EXOC4: variants seen among roughly 807,000 people sequenced by gnomAD.
The protein encoded by EXOC4 is exocyst complex component 4, also known as SEC8-like 1.
EXOC4 carries 71 observed loss-of-function variants against 107.2 expected under a neutral mutation model. That is an observed-to-expected ratio of 0.66 (90% confidence interval 0.55 to 0.81). The LOEUF is 0.81. Ranked by LOEUF, EXOC4 falls within the 30% of genes least tolerant of loss-of-function variation. EXOC4 has a pLI of 0.00. For missense variants in EXOC4, 1,108 were observed against 1,189.6 expected, an observed-to-expected ratio of 0.93 and a Z score of 1.01; for synonymous variants, 456 against 441.2, an observed-to-expected ratio of 1.03 and a Z score of -0.42.
intron 10 of EXOC4, among the ~76,000 whole-genome samples, chr7:133,720,431 G>A (rs541472889): frequency 1.6e-4 from 25 of 152,168 alleles, no homozygotes; most frequent in Admixed American, 4.6e-4. Context: ...CATAACCACC[G>A]GTAAGGAAAT....
chr7:133,313,069 CCTAA>C (rs915502935), intron 4 of EXOC4, among the ~76,000 whole-genome samples: 16 of 151,320 alleles, frequency 1.1e-4, no homozygotes, highest in African/African-American at 1.7e-4. Context: ...GTATTCATTC[CCTAA>C]CTATTTTGTC....
At chr7:133,562,111 G>C (rs901775115) in intron 9 of EXOC4, among the ~76,000 whole-genome samples, 1 of 152,212 alleles carries the variant, frequency 6.6e-6, no homozygotes, top group Non-Finnish European at 1.5e-5. Flanking sequence ...ACATCATTTT[G>C]CTTAAAGTTG....
chr7:133,676,959 G>GTGTGTGTGTGTGTGTGTA (rs1554382530), intron 10 of EXOC4, among the ~76,000 whole-genome samples: 391 of 138,728 alleles, frequency 2.8e-3, no homozygotes, highest in Middle Eastern at 0.011. Flanking sequence ...GTGTGTGTAT[G>GTGTGTGTGTGTGTGTGTA]TGTGTGTGTG....
chr7:133,852,369 T>G (rs1395407743), intron 11 of EXOC4, among the ~76,000 whole-genome samples: 2 of 152,040 alleles, frequency 1.3e-5, no homozygotes, highest in African/African-American at 4.8e-5. Flanking sequence ...ATTACATATA[T>G]AGGTCATTTC....
intron 7 of EXOC4, among the ~76,000 whole-genome samples, chr7:133,397,556 T>A (rs1796998893): frequency 6.6e-6 from 1 of 152,186 alleles, no homozygotes; most frequent in African/African-American, 2.4e-5. Context: ...ATTTTCACAG[T>A]ACATGCTCAA....
chr7:133,589,589 C>T (rs1361754804), intron 9 of EXOC4, among the ~76,000 whole-genome samples: 1 of 152,174 alleles, frequency 6.6e-6, no homozygotes, highest in Admixed American at 6.5e-5. Context: ...AACAGTTTTG[C>T]CATGCAGAGT....
intron 16 of EXOC4, 140 bp from the exon 17 acceptor site, chr7:134,007,536 G>A (rs936247229): frequency 4.4e-6 from 3 of 683,344 alleles, no homozygotes; most frequent in Non-Finnish European, 6.7e-6. Flanking sequence ...ATCAGCAGAT[G>A]CAACCATCAG....
At chr7:133,779,007 G>T (rs1796405763) in intron 10 of EXOC4, among the ~76,000 whole-genome samples, 1 of 152,146 alleles carries the variant, frequency 6.6e-6, no homozygotes, top group South Asian at 2.1e-4. Context: ...ACATCCTTAT[G>T]ATCTCTCCTG....
intron 1 of EXOC4, among the ~76,000 whole-genome samples, chr7:133,273,946 T>G (rs1408184900): frequency 6.6e-6 from 1 of 152,162 alleles, no homozygotes; most frequent in Admixed American, 6.5e-5. Context: ...AATGAAACTC[T>G]AAATTACCAC....
At chr7:133,298,189 C>G (rs1794560765) in intron 3 of EXOC4, among the ~76,000 whole-genome samples, 1 of 152,144 alleles carries the variant, frequency 6.6e-6, no homozygotes, top group Admixed American at 6.5e-5. Flanking sequence ...GGTTGCCTAG[C>G]TCTTGAAATG....
At chr7:133,708,328 T>G (rs1260156529) in intron 10 of EXOC4, among the ~76,000 whole-genome samples, 1 of 152,218 alleles carries the variant, frequency 6.6e-6, no homozygotes, top group Non-Finnish European at 1.5e-5. Flanking sequence ...ACATTTTAGT[T>G]GGCTAGATGG....
At chr7:133,919,153 T>C (rs1431653184) in intron 13 of EXOC4, among the ~76,000 whole-genome samples, 10 of 152,228 alleles carry the variant, frequency 6.6e-5, no homozygotes, top group Non-Finnish European at 1.2e-4. Flanking sequence ...TTATTCACAG[T>C]ATCTGAAAGA....
chr7:133,470,822 C>G (rs910796418), intron 7 of EXOC4, among the ~76,000 whole-genome samples: 1 of 152,174 alleles, frequency 6.6e-6, no homozygotes, highest in Non-Finnish European at 1.5e-5. Flanking sequence ...AAGTAATGCT[C>G]TTTGTTCCAG....
intron 1 of EXOC4, among the ~76,000 whole-genome samples, chr7:133,273,459 GTTCCT>G (rs751339616): frequency 6.6e-5 from 10 of 152,138 alleles, no homozygotes; most frequent in Non-Finnish European, 1.0e-4. Context: ...TCCCAGTAGT[GTTCCT>G]TTCCTGAGCA....
At chr7:133,325,841 A>G (rs1795225974) in intron 5 of EXOC4, among the ~76,000 whole-genome samples, 1 of 152,206 alleles carries the variant, frequency 6.6e-6, no homozygotes, top group Non-Finnish European at 1.5e-5. Context: ...TGTCGCTTTC[A>G]GGTACACCAA....
Position 133,328,538 on chromosome 7 carries a change from G to A in EXOC4, c.763+11148G>A, listed in dbSNP as rs551200648. The stretch of plus-strand genomic sequence containing the variant: ...TAGTGTCAATGGTCTTTACAGTTTG[G>A]TATGTTTTTGCAGTGGTTGGTACTG... On this transcript the variant is annotated intron_variant, in intron 5 of 17. Transcript: ENST00000253861. 2.0e-5 allele frequency among the ~76,000 whole-genome samples: 3 copies of A among 152,250 alleles called. No homozygotes were observed. The South Asian group carries it at 6.2e-4, about 32-fold the overall frequency.
intron 9 of EXOC4, among the ~76,000 whole-genome samples, chr7:133,515,541 T>C (rs895694633): frequency 3.3e-5 from 5 of 152,108 alleles, no homozygotes; most frequent in African/African-American, 1.2e-4. Context: ...AGGTCATAGA[T>C]TACTGCAGGG....
At position 133,317,309 on chromosome 7, in the gene EXOC4, C is replaced by T. The variant is rs758778712; in HGVS notation, c.682C>T (p.Pro228Ser). Residue 228 changes from proline (P) to serine (S), a missense_variant, in exon 5 of 18, where the codon CCT (proline) becomes TCT (serine). Physicochemically the swap from Pro to Ser is moderately conservative, Grantham distance 74. Transcript: ENST00000253861. ...CTCCCTCGTGAAAGATGCTTCTGTTCCTCTGATTGATGTTACAAACCTCCC... is the reference window on the plus strand; with the variant it reads ...CTCCCTCGTGAAAGATGCTTCTGTTTCTCTGATTGATGTTACAAACCTCCC... ...ISSLVKDASV[P>S]LIDVTNLPTP... 1 of 1,613,306 alleles carries T rather than the reference C, an allele frequency of 6.2e-7. No homozygotes were observed. The highest frequency in any genetic ancestry group is 1.3e-5 in the African/African-American group (1 of 75,012).
At chr7:133,933,261 C>T (rs1800222839) in intron 13 of EXOC4, among the ~76,000 whole-genome samples, 1 of 152,116 alleles carries the variant, frequency 6.6e-6, no homozygotes, top group Admixed American at 6.5e-5. Context: ...TCAGATAGAG[C>T]TCTTTAAAGA....
Sources: gnomAD v4.1 joint callset for allele counts (sites outside exome capture counted in the v4.1 genomes callset) on GRCh38, gnomAD v4.1.1 for gene constraint, MANE v1.5 for transcripts, NCBI Gene and HGNC (gene_info 2026-07-23, HGNC 2026-07-21) for gene names.